LINGO2: variants seen among roughly 807,000 people sequenced by gnomAD.
The protein encoded by LINGO2 is leucine rich repeat and Ig domain containing 2.
A neutral mutation model predicts 30.6 loss-of-function variants in LINGO2; 14 were observed. That is an observed-to-expected ratio of 0.46 (90% CI 0.30 to 0.72). The LOEUF is 0.72. Among genes scored for constraint, LINGO2 ranks in the 30% least tolerant of loss-of-function variants. The pLI is 0.07. For synonymous variants in LINGO2, 317 were observed against 288.5 expected, an observed-to-expected ratio of 1.10 and a Z score of -1.00; for missense variants, 729 against 751.7, an observed-to-expected ratio of 0.97 and a Z score of 0.35.
At chr9:28,889,401 T>C in the LINGO2 span, among the ~76,000 whole-genome samples, 1 of 151,686 alleles carries the variant, frequency 6.6e-6, no homozygotes, top group African/African-American at 2.4e-5. Context: ...ATAGCAGTAT[T>C]TCCATGTCAC....
chr9:28,547,910 C>T (rs1368663555), intron 1 of LINGO2, among the ~76,000 whole-genome samples: 1 of 152,036 alleles, frequency 6.6e-6, no homozygotes, highest in African/African-American at 2.4e-5. Context: ...ATACAAATTT[C>T]AGTAAAATAG....
the LINGO2 span, among the ~76,000 whole-genome samples, chr9:29,114,558 C>A: frequency 8.2e-6 from 1 of 121,528 alleles, no homozygotes; most frequent in Non-Finnish European, 1.7e-5. Context: ...CCCCCTCCCC[C>A]CACCCCATGA....
At chr9:28,777,187 C>G in the LINGO2 span, among the ~76,000 whole-genome samples, 1 of 152,140 alleles carries the variant, frequency 6.6e-6, no homozygotes, top group East Asian at 1.9e-4. Context: ...CATAAATGAC[C>G]CAGTCTCGGG....
chr9:28,187,217 G>A (rs769570479), intron 4 of LINGO2, among the ~76,000 whole-genome samples: 3 of 152,126 alleles, frequency 2.0e-5, no homozygotes, highest in Middle Eastern at 3.2e-3. Flanking sequence ...AAGGCCAGGC[G>A]CAGTGGCTCA....
At chr9:29,089,662 T>C in the LINGO2 span, among the ~76,000 whole-genome samples, 3 of 152,066 alleles carry the variant, frequency 2.0e-5, no homozygotes, top group Non-Finnish European at 4.4e-5. Flanking sequence ...ACCTTCTAAC[T>C]GAAAAGGTGG....
At chr9:28,771,265 G>C in the LINGO2 span, among the ~76,000 whole-genome samples, 1 of 132,476 alleles carries the variant, frequency 7.5e-6, no homozygotes, top group African/African-American at 3.0e-5. Flanking sequence ...AATGAACAAA[G>C]AGCTTTTTTT....
At chr9:29,128,536 G>C in the LINGO2 span, among the ~76,000 whole-genome samples, 1 of 152,098 alleles carries the variant, frequency 6.6e-6, no homozygotes, top group Non-Finnish European at 1.5e-5. Context: ...ACAGGCTTTT[G>C]TACTGCTTTT....
chr9:28,381,275 C>G (rs1208187481), intron 2 of LINGO2, among the ~76,000 whole-genome samples: 1 of 152,020 alleles, frequency 6.6e-6, no homozygotes, highest in South Asian at 2.1e-4. Context: ...CTAACATGGT[C>G]AAACATGGTA....
chr9:28,404,714 T>G (rs1822421239), intron 2 of LINGO2, among the ~76,000 whole-genome samples: 1 of 152,198 alleles, frequency 6.6e-6, no homozygotes, highest in African/African-American at 2.4e-5. Context: ...GCACCTGCAT[T>G]CAGGCTTGAC....
intron 4 of LINGO2, among the ~76,000 whole-genome samples, chr9:28,253,376 T>C (rs910975581): frequency 6.6e-6 from 1 of 152,130 alleles, no homozygotes. Context: ...GACCCTTGAC[T>C]TGTGGATGTT....
At chr9:27,949,541 G>A (rs756650483) in exon 6 of LINGO2, 1 of 1,614,072 alleles carries the variant, frequency 6.2e-7, no homozygotes, top group Non-Finnish European at 8.5e-7. Flanking sequence ...TAGGTTGCTG[G>A]CCACCAAACT....
the LINGO2 span, among the ~76,000 whole-genome samples, chr9:29,099,035 A>G: frequency 4.6e-5 from 7 of 152,348 alleles, no homozygotes; most frequent in East Asian, 1.3e-3. Context: ...AAACAGATGC[A>G]TAGACCAGCG....
downstream of LINGO2, among the ~76,000 whole-genome samples, chr9:27,946,943 T>C (rs1006816890): frequency 5.3e-5 from 8 of 152,182 alleles, no homozygotes; most frequent in South Asian, 4.1e-4. Context: ...GTCAATTTAA[T>C]TTTATTAAAG....
intron 4 of LINGO2, among the ~76,000 whole-genome samples, chr9:28,159,913 A>T (rs1044379772): frequency 6.6e-6 from 1 of 152,184 alleles, no homozygotes; most frequent in Non-Finnish European, 1.5e-5. Flanking sequence ...AACTAAAAAA[A>T]GTTGATAGAT....
chr9:28,227,211 C>G (rs999979129), intron 4 of LINGO2, among the ~76,000 whole-genome samples: 5 of 152,078 alleles, frequency 3.3e-5, no homozygotes, highest in Admixed American at 6.6e-5. Flanking sequence ...CCAATAGGAG[C>G]TGGCAGAACA....
chr9:28,229,283 T>C (rs574165238), intron 4 of LINGO2, among the ~76,000 whole-genome samples: 7 of 151,818 alleles, frequency 4.6e-5, no homozygotes, highest in Non-Finnish European at 1.0e-4. Flanking sequence ...GAGATAACCT[T>C]CCAAAATATT....
chr9:28,357,078 T>C (rs2134482260), intron 3 of LINGO2, among the ~76,000 whole-genome samples: 1 of 152,230 alleles, frequency 6.6e-6, no homozygotes, highest in Non-Finnish European at 1.5e-5. Context: ...TATATTAATA[T>C]TATTTGTTGT....
At chr9:28,275,835 TAAAA>T (rs1479568483) in intron 4 of LINGO2, among the ~76,000 whole-genome samples, 1 of 152,100 alleles carries the variant, frequency 6.6e-6, no homozygotes, top group Non-Finnish European at 1.5e-5. Flanking sequence ...CCCAAGGAAA[TAAAA>T]CAATGAAGGG....
chr9:28,633,844 G>C (rs1275870926), intron 1 of LINGO2, among the ~76,000 whole-genome samples: 1 of 152,176 alleles, frequency 6.6e-6, no homozygotes, highest in African/African-American at 2.4e-5. Flanking sequence ...CGTAGTCAAT[G>C]AATATTTCTT....
Sources: gnomAD v4.1 joint callset for allele counts (sites outside exome capture counted in the v4.1 genomes callset) on GRCh38, gnomAD v4.1.1 for gene constraint, MANE v1.5 for transcripts, NCBI Gene and HGNC (gene_info 2026-07-23, HGNC 2026-07-21) for gene names.